Variants in ST3GAL6 observed in about 807,000 individuals in gnomAD.
ST3GAL6 encodes the protein type 2 lactosamine alpha-2,3-sialyltransferase.
ST3GAL6 carries 31 observed loss-of-function variants against 40.5 expected under a neutral mutation model. The observed-to-expected ratio is 0.77, with a 90% CI of 0.58 to 1.03. The LOEUF (loss-of-function observed/expected upper bound fraction) is 1.03, where lower values mean the gene tolerates loss of function less well. ST3GAL6 is among the 50% of genes least tolerant of loss of function. The pLI is 0.00. For missense variants in ST3GAL6, 357 were observed against 393.2 expected (o/e 0.91, Z 0.78); for synonymous variants, 129 against 136.9 (o/e 0.94, Z 0.40).
intron 2 of ST3GAL6, 85 bp from the exon 3 acceptor site, chr3:98,770,794 C>A: frequency 1.7e-6 from 2 of 1,147,654 alleles, no homozygotes; most frequent in Admixed American, 1.7e-5. Flanking sequence ...TCAGTGGTGG[C>A]ATGAATGAGT....
chr3:98,787,414 T>C (rs1940830268), intron 6 of ST3GAL6, among the ~76,000 whole-genome samples: 1 of 152,234 alleles, frequency 6.6e-6, no homozygotes, highest in Non-Finnish European at 1.5e-5. Context: ...GGCTTCATAA[T>C]GTGTGCATAA....
chr3:98,762,238 G>T (rs1363438250), upstream of ST3GAL6, among the ~76,000 whole-genome samples: 1 of 152,136 alleles, frequency 6.6e-6, no homozygotes, highest in African/African-American at 2.4e-5. Flanking sequence ...TTCCCTTTCT[G>T]CAATGCAGAA....
At chr3:98,753,505 G>C (rs982475841) in intron 1 of ST3GAL6, among the ~76,000 whole-genome samples, 2 of 152,238 alleles carry the variant, frequency 1.3e-5, no homozygotes, top group Non-Finnish European at 2.9e-5. Flanking sequence ...TCTTCTAGTG[G>C]AAGAAGATGG....
intron 1 of ST3GAL6, among the ~76,000 whole-genome samples, chr3:98,764,844 A>G (rs557310835): frequency 2.0e-5 from 3 of 152,364 alleles, no homozygotes; most frequent in South Asian, 2.1e-4. Context: ...ATACATCTTA[A>G]TGCTTCTAAT....
upstream of ST3GAL6, among the ~76,000 whole-genome samples, chr3:98,759,868 A>G (rs1400338311): frequency 2.0e-5 from 3 of 152,218 alleles, no homozygotes; most frequent in Non-Finnish European, 4.4e-5. Context: ...GGAATCCTAC[A>G]TATTTTCCCT....
intron 1 of ST3GAL6, among the ~76,000 whole-genome samples, chr3:98,740,785 G>A (rs1040813305): frequency 2.0e-5 from 3 of 151,940 alleles, no homozygotes; most frequent in Non-Finnish European, 4.4e-5. Flanking sequence ...TGTTTTTATA[G>A]CTATTATGAC....
At chr3:98,755,338 G>A (rs766967097) in intron 1 of ST3GAL6, among the ~76,000 whole-genome samples, 5 of 152,078 alleles carry the variant, frequency 3.3e-5, no homozygotes, top group Non-Finnish European at 7.3e-5. Flanking sequence ...GAGCCACCGC[G>A]CCCGGCCTGA....
chr3:98,766,402 A>ATTT (rs1559737745), intron 1 of ST3GAL6, among the ~76,000 whole-genome samples: 4 of 98,598 alleles, frequency 4.1e-5, no homozygotes, highest in African/African-American at 1.9e-4. Flanking sequence ...CATAAATGTC[A>ATTT]TTCTTTTTTT....
intron 1 of ST3GAL6, chr3:98,756,587 A>G: frequency 8.4e-7 from 1 of 1,184,144 alleles, no homozygotes; most frequent in South Asian, 1.6e-5. Flanking sequence ...TTAAATGTAA[A>G]CTTGAGCACT....
upstream of ST3GAL6, among the ~76,000 whole-genome samples, chr3:98,760,872 A>G (rs1559733770): frequency 1.3e-5 from 2 of 152,244 alleles, no homozygotes; most frequent in Non-Finnish European, 2.9e-5. Context: ...ATACAATGGG[A>G]TGCTATTTAG....
intron 1 of ST3GAL6, among the ~76,000 whole-genome samples, chr3:98,747,558 C>T (rs1456969708): frequency 1.3e-5 from 2 of 152,040 alleles, no homozygotes; most frequent in East Asian, 3.8e-4. Flanking sequence ...TGATTTGGCT[C>T]CAAAATGACA....
Position 98,785,029 on chromosome 3 carries a change from T to C in ST3GAL6, c.420T>C (p.Asp140=). The C allele has an allele frequency of 6.3e-7, 1 of 1,598,592 alleles. No homozygotes were observed. The highest frequency in any genetic ancestry group is 8.6e-7 in the Non-Finnish European group (1 of 1,166,334). Residue 140 remains aspartate, a synonymous_variant, in exon 6 of 10, where the codon GAT becomes GAC. Coordinates refer to ENST00000483910, the MANE Select transcript of ST3GAL6 (RefSeq NM_001323368.2). ...TAGGAGAAAAAATCGACTCCTATGA[T>C]GTAATAATAAGGTAAATATATTTTC... ...KTLGEKIDSY[D]VIIRMNNGPV...
chr3:98,781,805 CT>C (rs970357749), intron 5 of ST3GAL6, among the ~76,000 whole-genome samples: 28 of 152,230 alleles, frequency 1.8e-4, no homozygotes, highest in Admixed American at 8.5e-4. Context: ...CCCTCTACCC[CT>C]ATGCAGGTTA....
At chr3:98,766,491 G>A (rs945876210) in intron 1 of ST3GAL6, among the ~76,000 whole-genome samples, 3 of 142,502 alleles carry the variant, frequency 2.1e-5, no homozygotes, top group Non-Finnish European at 3.0e-5. Flanking sequence ...GCGTGATCTC[G>A]GCTCACTGCA....
chr3:98,732,684 C>T (rs1435544896), intron 1 of ST3GAL6: 4 of 595,058 alleles, frequency 6.7e-6, no homozygotes, highest in Non-Finnish European at 8.1e-6. Context: ...CTTCCCGCGA[C>T]TCCGGAGGCG....
rs756209382 is a variant in ST3GAL6 at position 98,795,642 on chromosome 3, A to AGAC, written c.*1882_*1884dup. 6.6e-6 allele frequency: 1 copy of AGAC among 152,182 alleles called. No homozygotes were observed. Among genetic ancestry groups the AGAC allele is most frequent in the Non-Finnish European group, 1.5e-5 (1 of 68,074 alleles). 9.4% of individuals were successfully genotyped at this position (152,182 alleles called of 1,614,324 possible). ...ACAAGGACATAAAGATGGGAACGATAGACACTGAGGACTGCGGCGGGGGGA... is the reference window on the plus strand; with the variant it reads ...ACAAGGACATAAAGATGGGAACGATAGACGACACTGAGGACTGCGGCGGGGGGA... On this transcript the variant is annotated 3_prime_UTR_variant, in exon 10 of 10. Transcript: ENST00000483910.
At chr3:98,790,686 A>G (rs1941120029) in intron 8 of ST3GAL6, among the ~76,000 whole-genome samples, 1 of 152,128 alleles carries the variant, frequency 6.6e-6, no homozygotes, top group South Asian at 2.1e-4. Flanking sequence ...GGGTGACTGC[A>G]GTGCTTATTC....
chr3:98,787,014 T>A (rs1305294027), intron 6 of ST3GAL6, among the ~76,000 whole-genome samples: 1 of 150,860 alleles, frequency 6.6e-6, no homozygotes, highest in South Asian at 2.1e-4. Context: ...GTTTAAAGAA[T>A]GGCAAAGTTA....
At chr3:98,793,321 A>ATTTTG (rs1362311767) in intron 9 of ST3GAL6, among the ~76,000 whole-genome samples, 1 of 152,190 alleles carries the variant, frequency 6.6e-6, no homozygotes, top group African/African-American at 2.4e-5. Flanking sequence ...CTCCAGGCTG[A>ATTTTG]TTTTGTTTGT....
Sources: allele counts gnomAD v4.1 joint callset (sites outside exome capture counted in the v4.1 genomes callset), GRCh38; gene constraint gnomAD v4.1.1; transcripts MANE v1.5; gene names NCBI Gene and HGNC (gene_info 2026-07-23, HGNC 2026-07-21).